Variants in XRCC5 observed in about 807,000 individuals in gnomAD.
XRCC5 encodes DNA repair protein Ku80.
In XRCC5, 12 loss-of-function variants were observed where a neutral mutation model predicts 95.7. The observed-to-expected ratio is 0.13, with a 90% CI of 0.08 to 0.20. XRCC5 has a LOEUF of 0.20. Among genes scored for constraint, XRCC5 ranks in the 10% least tolerant of loss-of-function variants. The pLI is 1.00. For synonymous variants in XRCC5, 281 were observed against 290.3 expected, an observed-to-expected ratio of 0.97 and a Z score of 0.33; for missense variants, 595 against 873.9, an observed-to-expected ratio of 0.68 and a Z score of 4.02.
intron 14 of XRCC5, among the ~76,000 whole-genome samples, chr2:216,157,607 C>T (rs1403747710): frequency 6.6e-6 from 1 of 152,108 alleles, no homozygotes; most frequent in African/African-American, 2.4e-5. Flanking sequence ...ATGTATACTT[C>T]AATTTTTATT....
intron 13 of XRCC5, 44 bp from the exon 14 acceptor site, chr2:216,148,039 A>G (rs372829124): frequency 5.7e-6 from 9 of 1,573,202 alleles, no homozygotes; most frequent in African/African-American, 4.1e-5. Context: ...AAGAAGCCAT[A>G]TATGTCTCCA....
rs1377367384 is a variant in XRCC5, at chr2:216,192,690, G to A, written c.1996G>A (p.Val666Met). ...CTTCCTGAAAGCCCTTCAAGAGAAA[G>A]TGGAAATTAAACAATTAAATCATTT... is the stretch of plus-strand genomic sequence containing the variant. ...NNFLKALQEK[V>M]EIKQLNHFWE... The change falls in exon 18 of 21, where the codon GTG becomes ATG. Residue 666 changes from valine (V) to methionine (M), a missense_variant. Around this residue, in one of 2 missense-constraint regions of XRCC5, gnomAD observed 309 missense variants for 382.9 expected, o/e 0.81. Transcript: ENST00000392132. The A allele has an allele frequency of 1.9e-6, 3 of 1,600,432 alleles. No homozygotes were observed. Among genetic ancestry groups the A allele is most frequent in the Non-Finnish European group, 1.7e-6 (2 of 1,172,946 alleles).
intron 13 of XRCC5, 96 bp from the exon 14 acceptor site, chr2:216,147,987 C>T: frequency 1.5e-6 from 2 of 1,307,896 alleles, no homozygotes; most frequent in African/African-American, 1.5e-5. Context: ...ATCACTTAGC[C>T]CTCCCACACT....
intron 14 of XRCC5, among the ~76,000 whole-genome samples, chr2:216,150,707 A>G (rs1261193053): frequency 6.6e-6 from 1 of 152,046 alleles, no homozygotes; most frequent in Non-Finnish European, 1.5e-5. Context: ...CATTTTTAGT[A>G]GAGAATCCCC....
rs547865856 is a variant in XRCC5, at chr2:216,120,740, T to G, written c.492-1322T>G. The stretch of plus-strand genomic sequence containing the variant: ...CCAGCAGTTTTTAGTTTTTCTTGGT[T>G]GTTGTTTGTTTTTGAGATGGAGTCT... On this transcript the variant is annotated intron_variant, in intron 5 of 20. Transcript: ENST00000392132. Among the ~76,000 whole-genome samples the G allele has an allele frequency of 4.8e-5, 5 of 103,742 alleles. No individual in the cohort carries two copies. The East Asian group carries it at 1.1e-3, about 22-fold the overall frequency. The allele number at this position is 103,742 out of a possible 152,430, so 68.1% of individuals were successfully genotyped here. A position where few individuals can be genotyped will look rare whatever the true frequency, so the allele number is the denominator to read the frequency against.
At chr2:216,191,260 A>G (rs1379215436) in intron 17 of XRCC5, among the ~76,000 whole-genome samples, 1 of 152,212 alleles carries the variant, frequency 6.6e-6, no homozygotes, top group Non-Finnish European at 1.5e-5. Context: ...AGTGTCTTAT[A>G]ACACCTCTGT....
chr2:216,137,208 A>G lies in XRCC5; in HGVS notation c.1234A>G (p.Ile412Val). 2 of 1,613,426 alleles carry G rather than the reference A, an allele frequency of 1.2e-6. No individual in the cohort carries two copies. Among genetic ancestry groups the G allele is most frequent in the South Asian group, 2.2e-5 (2 of 90,930 alleles). The change falls in exon 11 of 21, where the codon ATC becomes GTC. Residue 412 changes from isoleucine (I) to valine (V), a missense_variant. Transcript: ENST00000392132. ...TCAAGTCGGCGTGGCTTTTCCTCATATCAAGCATAACTATGAGGTAAAACC... is the reference window on the plus strand; with the variant it reads ...TCAAGTCGGCGTGGCTTTTCCTCATGTCAAGCATAACTATGAGGTAAAACC... ...NPQVGVAFPH[I>V]KHNYECLVYV...
At chr2:216,112,040 C>G (rs544348639) in intron 1 of XRCC5, among the ~76,000 whole-genome samples, 6 of 152,350 alleles carry the variant, frequency 3.9e-5, no homozygotes, top group African/African-American at 1.4e-4. Flanking sequence ...AAAGACATTT[C>G]ACGTTGTTGA....
chr2:216,158,735 A>G (rs1444225142), intron 14 of XRCC5, among the ~76,000 whole-genome samples: 1 of 152,196 alleles, frequency 6.6e-6, no homozygotes, highest in African/African-American at 2.4e-5. Flanking sequence ...TGAATGGGAA[A>G]GATGCCAAAT....
intron 14 of XRCC5, among the ~76,000 whole-genome samples, chr2:216,149,602 A>C (rs920633476): frequency 1.6e-5 from 2 of 124,876 alleles, no homozygotes; most frequent in East Asian, 2.1e-4. Context: ...TCACAGGGCT[A>C]TTCTCTCTCT....
At chr2:216,189,168 G>A (rs1346572916) in intron 16 of XRCC5, among the ~76,000 whole-genome samples, 8 of 152,218 alleles carry the variant, frequency 5.3e-5, no homozygotes, top group Non-Finnish European at 1.2e-4. Flanking sequence ...GCCTTTATTG[G>A]TAAAGCTTGA....
chr2:216,136,355 T>TC, intron 10 of XRCC5, among the ~76,000 whole-genome samples: 1 of 16,860 alleles, frequency 5.9e-5, no homozygotes, highest in Admixed American at 6.4e-4. Context: ...AAACTGTGTC[T>TC]CAAAAAAAAA....
chr2:216,186,400 A>G (rs1485985789), intron 16 of XRCC5, among the ~76,000 whole-genome samples: 1 of 152,172 alleles, frequency 6.6e-6, no homozygotes, highest in African/African-American at 2.4e-5. Flanking sequence ...AAACTTCGCC[A>G]TTTTCCTCTT....
chr2:216,203,106 G>A (rs994248610), intron 19 of XRCC5, among the ~76,000 whole-genome samples: 2 of 152,136 alleles, frequency 1.3e-5, no homozygotes, highest in African/African-American at 4.8e-5. Flanking sequence ...TTGAGAGTGA[G>A]GAAAGTATAA....
At chr2:216,161,787 G>A (rs1688957356) in intron 15 of XRCC5, among the ~76,000 whole-genome samples, 192 bp from the exon 16 acceptor site, 1 of 152,228 alleles carries the variant, frequency 6.6e-6, no homozygotes, top group Non-Finnish European at 1.5e-5. Flanking sequence ...ACAGAGGGCA[G>A]CTCTTGGACC....
chr2:216,156,444 C>A, intron 14 of XRCC5: 1 of 735,598 alleles, frequency 1.4e-6, no homozygotes, highest in African/African-American at 1.8e-5. Flanking sequence ...TTTGTAGTCT[C>A]TATCGTACAG....
At chr2:216,131,054 G>T in intron 9 of XRCC5, 67 bp downstream of exon 9, 9 of 1,460,818 alleles carry the variant, frequency 6.2e-6, no homozygotes, top group South Asian at 2.5e-5. Flanking sequence ...GCTTTTGATT[G>T]GTCATTTTAT....
rs1323023568 is a variant in XRCC5 at position 216,148,133 on chromosome 2, G to C, written c.1527G>C (p.Gln509His). 1.2e-6 allele frequency: 2 copies of C among 1,613,772 alleles called. No individual in the cohort carries two copies. The highest frequency in any genetic ancestry group is 1.7e-6 in the Non-Finnish European group (2 of 1,179,888). ...CCCGGGAGCCTCTACCCCCAATTCA[G>C]CAGCATATTTGGAATATGCTGAATC... Reference protein sequence around the residue: ...LHPREPLPPIQQHIWNMLNPP... With the variant: ...LHPREPLPPIHQHIWNMLNPP... The change falls in exon 14 of 21, where the codon CAG (glutamine) becomes CAC (histidine). Residue 509 changes from glutamine to histidine, a missense_variant. By Grantham distance (24) the Gln-to-His change is conservative. Transcript: ENST00000392132.
chr2:216,145,030 G>A (rs1688598174), intron 13 of XRCC5, among the ~76,000 whole-genome samples: 1 of 152,222 alleles, frequency 6.6e-6, no homozygotes, highest in Non-Finnish European at 1.5e-5. Context: ...CAAGTCAGAT[G>A]CACAATGGGG....
Sources: allele counts gnomAD v4.1 joint callset (sites outside exome capture counted in the v4.1 genomes callset), GRCh38; gene constraint gnomAD v4.1.1; regional missense constraint gnomAD v4.1.1; transcripts MANE v1.5; gene names NCBI Gene and HGNC (gene_info 2026-07-23, HGNC 2026-07-21).